Variants in USP45 observed in about 807,000 individuals in gnomAD.
USP45 encodes ubiquitin carboxyl-terminal hydrolase 45.
USP45 carries 89 observed loss-of-function variants against 95.8 expected under a neutral mutation model. The observed-to-expected ratio is 0.93, with a 90% CI of 0.78 to 1.11. The LOEUF is 1.11. USP45 is among the 50% of genes least tolerant of loss of function. The probability of loss-of-function intolerance (pLI) is 0.00; values close to 1 mark genes in which losing one functional copy is unlikely to be tolerated. For synonymous variants in USP45, 281 were observed against 316.2 expected (o/e 0.89, Z 1.18); for missense variants, 898 against 942.5 (o/e 0.95, Z 0.62).
At chr6:99,516,023 C>T (rs564125028), upstream of USP45, among the ~76,000 whole-genome samples, 26 of 152,132 alleles carry the variant, frequency 1.7e-4, 1 homozygote, top group South Asian at 5.0e-3. Flanking sequence ...GTGATCCGCC[C>T]GCCCCGGCCT....
chr6:99,448,193 A>T (rs1204290181), intron 13 of USP45, among the ~76,000 whole-genome samples: 1 of 152,250 alleles, frequency 6.6e-6, no homozygotes, highest in African/African-American at 2.4e-5. Context: ...TGGACGGAGA[A>T]TGACTTTGAC....
At chr6:99,509,978 A>G in intron 2 of USP45, 143 bp downstream of exon 2, 2 of 642,956 alleles carry the variant, frequency 3.1e-6, no homozygotes, top group Admixed American at 5.3e-5. Context: ...GCATCCCAAG[A>G]ATAGTGTATT....
chr6:99,449,775 T>A (rs1012404031), intron 13 of USP45, among the ~76,000 whole-genome samples: 11 of 152,186 alleles, frequency 7.2e-5, no homozygotes, highest in Admixed American at 2.6e-4. Context: ...ACCACACAGT[T>A]GGAAGTCAAG....
At chr6:99,505,676 C>T (rs898297861) in intron 4 of USP45, among the ~76,000 whole-genome samples, 4 of 150,794 alleles carry the variant, frequency 2.7e-5, no homozygotes, top group African/African-American at 7.3e-5. Context: ...TGCATTACAC[C>T]AATGCTACAT....
At chr6:99,448,554 T>C (rs1449734743) in intron 13 of USP45, among the ~76,000 whole-genome samples, 1 of 152,226 alleles carries the variant, frequency 6.6e-6, no homozygotes, top group Admixed American at 6.5e-5. Flanking sequence ...ACCAAATCTA[T>C]GTCTGATTGC....
intron 13 of USP45, among the ~76,000 whole-genome samples, chr6:99,463,800 C>CAAAAA (rs398002416): frequency 1.2e-5 from 1 of 84,462 alleles, no homozygotes; most frequent in African/African-American, 4.2e-5. Context: ...GACTCCATCT[C>CAAAAA]AAAAAAAAAA....
intron 13 of USP45, among the ~76,000 whole-genome samples, chr6:99,449,143 T>A (rs1783244167): frequency 6.7e-6 from 1 of 148,954 alleles, no homozygotes; most frequent in Admixed American, 6.7e-5. Context: ...GCTAACATCA[T>A]GACAGGATCA....
At chr6:99,508,987 T>A (rs1341217766) in intron 2 of USP45, among the ~76,000 whole-genome samples, 2 of 152,200 alleles carry the variant, frequency 1.3e-5, no homozygotes, top group African/African-American at 4.8e-5. Flanking sequence ...AAGAGATTCA[T>A]GGTTGTAGGG....
intron 3 of USP45, 92 bp downstream of exon 3, chr6:99,508,516 CTT>C: frequency 8.3e-7 from 1 of 1,210,438 alleles, no homozygotes; most frequent in Non-Finnish European, 1.1e-6. Context: ...ATAAATTTAT[CTT>C]AACTCCTATG....
rs1260210251 is a variant in USP45 at position 99,497,119 on chromosome 6, AT to A, written c.478+6645del. On this transcript the variant is annotated intron_variant, in intron 5 of 17. Transcript: ENST00000500704. ...TCCCCTCAACCCCTTTCAACCACTG[AT>A]TTTTTTTTTACTGTCTCCAGTTTTC... 1.0e-4 allele frequency among the ~76,000 whole-genome samples: 15 copies of A among 148,458 alleles called. 1 individual carries two copies. The highest frequency in any genetic ancestry group is 6.4e-4 in the South Asian group (3 of 4,652).
chr6:99,509,860 G>C (rs1007172591), intron 2 of USP45, among the ~76,000 whole-genome samples: 5 of 152,074 alleles, frequency 3.3e-5, no homozygotes, highest in African/African-American at 1.2e-4. Context: ...GGGGTAGTTG[G>C]TTCTAGGACC....
At chr6:99,484,275 C>T (rs551682520) in intron 7 of USP45, among the ~76,000 whole-genome samples, 295 of 151,746 alleles carry the variant, frequency 1.9e-3, no homozygotes, top group Non-Finnish European at 2.9e-3. Context: ...CCAAGTGATC[C>T]TCCTGCTTCC....
In USP45 at chr6:99,468,634, A is replaced by G; in HGVS notation, c.934-16T>C. ...CTTGTATTCGCTGTAAAACAAAGTT[A>G]ATAGATTCTGGTCTAATAATAGTTA... On this transcript the variant is annotated splice_polypyrimidine_tract_variant and intron_variant, in intron 9 of 17. Transcript: ENST00000500704. The G allele has an allele frequency of 6.4e-7, 1 of 1,563,714 alleles. No individual in the cohort carries two copies. Among genetic ancestry groups the G allele is most frequent in the South Asian group, 1.1e-5 (1 of 87,718 alleles).
Position 99,435,819 on chromosome 6 carries a change from G to A in USP45, c.2342C>T (p.Ala781Val), listed in dbSNP as rs1347779706. The change falls in exon 18 of 18, where the codon GCA becomes GTA. Residue 781 changes from alanine (A) to valine (V), a missense_variant. Coordinates refer to ENST00000500704, the MANE Select transcript of USP45 (RefSeq NM_001346022.3). ...PGLKAADNES[A>V]GQWVHVSDTY... Reference sequence around the variant, plus strand: ...GTCACTAACATGGACCCACTGGCCTGCTGATTCATTATCAGCCGCTTTCAA... The same window carrying A: ...GTCACTAACATGGACCCACTGGCCTACTGATTCATTATCAGCCGCTTTCAA... 2.5e-6 allele frequency: 4 copies of A among 1,612,558 alleles called. No homozygotes were observed. The African/African-American group carries it at 4.0e-5, about 16-fold the overall frequency.
chr6:99,435,974 T>C, intron 17 of USP45, 128 bp from the exon 18 acceptor site: 1 of 956,494 alleles, frequency 1.0e-6, no homozygotes, highest in South Asian at 2.0e-5. Context: ...AGCCTGTTTT[T>C]TCTTGGGTTA....
At chr6:99,475,320 T>C (rs911815374) in intron 9 of USP45, among the ~76,000 whole-genome samples, 168 of 60,070 alleles carry the variant, frequency 2.8e-3, no homozygotes, top group African/African-American at 9.1e-3. Flanking sequence ...AAGATTCCTT[T>C]TTTTTTTTTT....
chr6:99,488,568 G>A, intron 6 of USP45, 113 bp downstream of exon 6: 1 of 1,217,552 alleles, frequency 8.2e-7, no homozygotes, highest in South Asian at 1.5e-5. Context: ...AAGGAAAACA[G>A]AGAAATTTCT....
intron 16 of USP45, among the ~76,000 whole-genome samples, chr6:99,438,455 T>G (rs1235040682): frequency 6.6e-6 from 1 of 152,216 alleles, no homozygotes; most frequent in East Asian, 1.9e-4. Flanking sequence ...TCAATTTACC[T>G]TATTTAGGTA....
Position 99,461,223 on chromosome 6 carries a change from C to A in USP45, c.1308+3381G>T, listed in dbSNP as rs926757065. On this transcript the variant is annotated intron_variant, in intron 13 of 17. Coordinates refer to ENST00000500704, the MANE Select transcript of USP45 (RefSeq NM_001346022.3). ...GAGGCAGGATTTTATATAAGGATAT[C>A]AATTTGAGATTTTCCAGTCTCTACA... 7 of 985,308 alleles carry A rather than the reference C, an allele frequency of 7.1e-6. No homozygotes were observed. The East Asian group carries it at 6.8e-4, about 96-fold the overall frequency. The allele number at this position is 985,308 out of a possible 1,614,324, so 61.0% of individuals were successfully genotyped here.
Sources: allele counts gnomAD v4.1 joint callset (sites outside exome capture counted in the v4.1 genomes callset), GRCh38; gene constraint gnomAD v4.1.1; transcripts MANE v1.5; gene names NCBI Gene and HGNC (gene_info 2026-07-23, HGNC 2026-07-21).